CRYBG1: variants seen among roughly 807,000 people sequenced by gnomAD.
CRYBG1 encodes crystallin beta-gamma domain containing 1, also known as beta/gamma crystallin domain-containing protein 1.
In CRYBG1, 139 loss-of-function variants were observed where a neutral mutation model predicts 189.2. The observed-to-expected ratio is 0.73, with a 90% CI of 0.64 to 0.85. CRYBG1 has a LOEUF of 0.85. Ranked by LOEUF, CRYBG1 falls within the 40% of genes least tolerant of loss-of-function variation. The pLI is 0.00. For missense variants in CRYBG1, 2,611 were observed against 2,675.8 expected, an observed-to-expected ratio of 0.98 and a Z score of 0.53; for synonymous variants, 1,023 against 1,017.1, an observed-to-expected ratio of 1.01 and a Z score of -0.11.
At chr6:106,405,579 C>T (rs1770805858) in intron 1 of CRYBG1, among the ~76,000 whole-genome samples, 1 of 152,248 alleles carries the variant, frequency 6.6e-6, no homozygotes, top group Non-Finnish European at 1.5e-5. Flanking sequence ...ACCCCCGTGC[C>T]TCCTGACAGG....
At chr6:106,516,914 T>A (rs1049531447) in intron 3 of CRYBG1, among the ~76,000 whole-genome samples, 1 of 152,032 alleles carries the variant, frequency 6.6e-6, no homozygotes, top group Non-Finnish European at 1.5e-5. Flanking sequence ...GTAAGCCCGA[T>A]GAAGCATTTG....
chr6:106,463,979 C>T lies in CRYBG1; in HGVS notation c.312+12147C>T, dbSNP rs548655249. ...TCAACCAGTCACATGAAAGAAAATC[C>T]CCAGAAAAACATGGGGAAAAACCAA... On this transcript the variant is annotated intron_variant, in intron 2 of 21. Coordinates refer to ENST00000633556, the MANE Select transcript of CRYBG1 (RefSeq NM_001371242.2). Among the ~76,000 whole-genome samples, 8 of 152,110 alleles carry T rather than the reference C, an allele frequency of 5.3e-5. No homozygotes were observed. The South Asian group carries it at 1.7e-3, about 32-fold the overall frequency.
At chr6:106,400,664 A>G (rs1298051933) in intron 1 of CRYBG1, among the ~76,000 whole-genome samples, 2 of 152,226 alleles carry the variant, frequency 1.3e-5, no homozygotes, top group African/African-American at 4.8e-5. Flanking sequence ...ATCAGGCACT[A>G]TACCAGAAGT....
intron 6 of CRYBG1, among the ~76,000 whole-genome samples, chr6:106,526,434 A>C (rs1308961352): frequency 6.6e-6 from 1 of 152,130 alleles, no homozygotes; most frequent in African/African-American, 2.4e-5. Context: ...TTTCTTTTGC[A>C]ACTTTTGTCG....
intron 1 of CRYBG1, among the ~76,000 whole-genome samples, chr6:106,446,806 A>G (rs1771671668): frequency 6.6e-6 from 1 of 152,238 alleles, no homozygotes; most frequent in Non-Finnish European, 1.5e-5. Flanking sequence ...TAGGTCTCAC[A>G]ATTCTGGGAT....
At position 106,498,117 on chromosome 6, in the gene CRYBG1, A is replaced by T. The variant is rs1049462205; in HGVS notation, c.313-13313A>T. Among the ~76,000 whole-genome samples the T allele has an allele frequency of 7.3e-5, 11 of 151,630 alleles. No homozygotes were observed. The South Asian group carries it at 2.3e-3, about 32-fold the overall frequency. ...CTCCGTCTTAAAAAAAAAAAAAAAA[A>T]AGTCAGCTGAAATAAATCACAAAAG... On this transcript the variant is annotated intron_variant, in intron 2 of 21. Transcript: ENST00000633556.
At chr6:106,434,226 T>G (rs1011757801) in intron 1 of CRYBG1, among the ~76,000 whole-genome samples, 2 of 152,046 alleles carry the variant, frequency 1.3e-5, no homozygotes, top group East Asian at 3.9e-4. Flanking sequence ...AGGGACACAC[T>G]GTTATTACCT....
At chr6:106,476,130 A>C (rs1772329899) in intron 2 of CRYBG1, among the ~76,000 whole-genome samples, 1 of 152,252 alleles carries the variant, frequency 6.6e-6, no homozygotes, top group Admixed American at 6.5e-5. Context: ...AAGTAGATAA[A>C]GTATATTTCC....
chr6:106,426,526 A>G (rs750276870), intron 1 of CRYBG1, among the ~76,000 whole-genome samples: 1 of 152,138 alleles, frequency 6.6e-6, no homozygotes, highest in Non-Finnish European at 1.5e-5. Flanking sequence ...GAAACAGTCT[A>G]TGAGGGTCTT....
At position 106,512,021 on chromosome 6, in the gene CRYBG1, C is replaced by A; in HGVS notation, c.904C>A (p.Gln302Lys). 1 of 1,529,668 alleles carries A rather than the reference C, an allele frequency of 6.5e-7. No individual in the cohort carries two copies. The highest frequency in any genetic ancestry group is 1.2e-5 in the South Asian group (1 of 83,432). 94.8% of individuals were successfully genotyped at this position (1,529,668 alleles called of 1,614,324 possible). A position where few individuals can be genotyped will look rare whatever the true frequency, so the allele number is the denominator to read the frequency against. The change falls in exon 3 of 22, where the codon CAG becomes AAG. Residue 302 changes from glutamine to lysine, a missense_variant. Gln to Lys is a moderately conservative substitution (Grantham distance 53). Coordinates refer to ENST00000633556, the MANE Select transcript of CRYBG1 (RefSeq NM_001371242.2). ...GAGGGGTGCGCCAGGGTCGCCCACC[C>A]AGGAGCGGCCCGCGGGAGGACTAGG... ...GVRGAPGSPT[Q>K]ERPAGGLGEA... is the part of the protein sequence containing the mutation.
At chr6:106,402,425 G>C (rs1208556070) in intron 1 of CRYBG1, among the ~76,000 whole-genome samples, 2 of 69,286 alleles carry the variant, frequency 2.9e-5, no homozygotes, top group Non-Finnish European at 5.7e-5. Flanking sequence ...AACCAAAACA[G>C]CATGGTACTG....
At chr6:106,494,429 C>G (rs555198683) in intron 2 of CRYBG1, among the ~76,000 whole-genome samples, 1 of 152,104 alleles carries the variant, frequency 6.6e-6, no homozygotes. Context: ...AATAGCATTT[C>G]AAATGCATAT....
intron 19 of CRYBG1, 73 bp from the exon 20 acceptor site, chr6:106,561,269 C>A: frequency 6.7e-7 from 1 of 1,493,776 alleles, no homozygotes; most frequent in Non-Finnish European, 9.1e-7. Context: ...TGGATTCTTC[C>A]TGATATTCAT....
intron 2 of CRYBG1, among the ~76,000 whole-genome samples, chr6:106,494,982 A>G (rs1772811589): frequency 6.6e-6 from 1 of 152,194 alleles, no homozygotes; most frequent in Non-Finnish European, 1.5e-5. Flanking sequence ...CCTACTTCCT[A>G]TCTACCTATA....
chr6:106,457,617 A>T (rs138057107), intron 2 of CRYBG1, among the ~76,000 whole-genome samples: 5 of 152,300 alleles, frequency 3.3e-5, no homozygotes, highest in African/African-American at 1.2e-4. Context: ...ATTTTAAATG[A>T]CTTGTGCCAT....
chr6:106,462,589 C>G (rs866529063), intron 2 of CRYBG1, among the ~76,000 whole-genome samples: 9 of 152,164 alleles, frequency 5.9e-5, no homozygotes, highest in Admixed American at 2.0e-4. Flanking sequence ...ACCTCTAATG[C>G]TAGAGAAAGA....
At chr6:106,524,900 C>T (rs1332687150) in intron 4 of CRYBG1, among the ~76,000 whole-genome samples, 4 of 152,182 alleles carry the variant, frequency 2.6e-5, no homozygotes, top group African/African-American at 9.7e-5. Flanking sequence ...ATAGCCTAGA[C>T]ATTTAAATTA....
rs374556988 is a variant in CRYBG1 at position 106,543,130 on chromosome 6, T to C, written c.4882-310T>C. 8.6e-4 allele frequency among the ~76,000 whole-genome samples: 130 copies of C among 151,228 alleles called. 1 individual carries two copies. In the South Asian group the frequency reaches 0.025, roughly 29 times the overall value. ...TCACTTAACCCTCTGCCTCCTGAGT[T>C]CAAGCGGTTCTGCCTCAGCCTCCTG... On this transcript the variant is annotated intron_variant, in intron 10 of 21. Coordinates refer to ENST00000633556, the MANE Select transcript of CRYBG1 (RefSeq NM_001371242.2).
chr6:106,567,510 A>C (rs185707531), intron 21 of CRYBG1, among the ~76,000 whole-genome samples: 1 of 152,198 alleles, frequency 6.6e-6, no homozygotes, highest in South Asian at 2.1e-4. Flanking sequence ...AGGTGAAAAG[A>C]ATGTTTATTT....
Sources: allele counts gnomAD v4.1 joint callset (sites outside exome capture counted in the v4.1 genomes callset), GRCh38; gene constraint gnomAD v4.1.1; transcripts MANE v1.5; gene names NCBI Gene and HGNC (gene_info 2026-07-23, HGNC 2026-07-21).